Variants in SGCZ observed in about 807,000 individuals in gnomAD.
SGCZ encodes zeta-sarcoglycan.
SGCZ carries 40 observed loss-of-function variants against 41.3 expected under a neutral mutation model. That is an observed-to-expected ratio of 0.97 (90% CI 0.75 to 1.26). The LOEUF (loss-of-function observed/expected upper bound fraction) is 1.26, where lower values mean the gene tolerates loss of function less well. SGCZ is among the 50% of genes most tolerant of loss of function. SGCZ has a pLI of 0.00. For synonymous variants in SGCZ, 206 were observed against 137.5 expected (o/e 1.50, Z -3.49); for missense variants, 552 against 369.8 (o/e 1.49, Z -4.04).
chr8:15,142,435 G>T (rs268420), intron 1 of SGCZ, among the ~76,000 whole-genome samples: 13,317 of 152,074 alleles, frequency 0.088, 610 homozygotes, highest in Middle Eastern at 0.13. Flanking sequence ...AGTACCTAGA[G>T]CCTACAGAAT....
chr8:15,126,253 T>C (rs1807676334), intron 1 of SGCZ, among the ~76,000 whole-genome samples: 1 of 152,240 alleles, frequency 6.6e-6, no homozygotes, highest in South Asian at 2.1e-4. Flanking sequence ...TAAATTTACA[T>C]TTTTAATAAC....
intron 1 of SGCZ, among the ~76,000 whole-genome samples, chr8:14,801,235 A>C (rs1456096352): frequency 6.6e-6 from 1 of 152,182 alleles, no homozygotes; most frequent in African/African-American, 2.4e-5. Context: ...AGAGAAGATA[A>C]ACAGAAATTA....
At chr8:14,725,978 A>C (rs1357280516) in intron 1 of SGCZ, among the ~76,000 whole-genome samples, 3 of 151,972 alleles carry the variant, frequency 2.0e-5, no homozygotes, top group African/African-American at 4.8e-5. Context: ...ATTAGGTAAA[A>C]TTTTATGGCC....
At chr8:14,579,713 GA>G (rs1239339800) in intron 1 of SGCZ, among the ~76,000 whole-genome samples, 3 of 152,156 alleles carry the variant, frequency 2.0e-5, no homozygotes, top group African/African-American at 7.2e-5. Flanking sequence ...TCTGGACAAA[GA>G]AAATTAGTTG....
At chr8:14,814,206 C>T (rs181286442) in intron 1 of SGCZ, among the ~76,000 whole-genome samples, 12 of 152,198 alleles carry the variant, frequency 7.9e-5, no homozygotes, top group African/African-American at 2.9e-4. Context: ...CGTCTCATCT[C>T]AGAACAAATA....
chr8:14,990,055 C>T (rs1489816477), intron 1 of SGCZ, among the ~76,000 whole-genome samples: 2 of 152,090 alleles, frequency 1.3e-5, no homozygotes, highest in Non-Finnish European at 2.9e-5. Context: ...TGCTGATAAC[C>T]AATGCCTTAC....
intron 2 of SGCZ, among the ~76,000 whole-genome samples, chr8:14,513,859 C>G (rs1013126235): frequency 2.0e-5 from 3 of 151,956 alleles, no homozygotes; most frequent in Admixed American, 1.3e-4. Flanking sequence ...ACATTTGTAA[C>G]TACTCTCTGT....
At chr8:15,206,937 G>C (rs1473050128) in intron 1 of SGCZ, among the ~76,000 whole-genome samples, 3 of 152,094 alleles carry the variant, frequency 2.0e-5, no homozygotes, top group African/African-American at 7.2e-5. Context: ...GCTGTAACAA[G>C]ACAAATATAA....
At chr8:14,718,816 CTTTT>C (rs1369388506) in intron 1 of SGCZ, among the ~76,000 whole-genome samples, 33 of 149,218 alleles carry the variant, frequency 2.2e-4, no homozygotes, top group African/African-American at 8.1e-4. Context: ...CACTCTTTGT[CTTTT>C]TTCTTTTTTT....
chr8:14,383,921 ATTTTT>A (rs35960880), intron 2 of SGCZ, among the ~76,000 whole-genome samples: 3 of 148,404 alleles, frequency 2.0e-5, no homozygotes, highest in Admixed American at 6.7e-5. Context: ...TTGTTTTGAG[ATTTTT>A]TTTTTAACAG....
intron 1 of SGCZ, among the ~76,000 whole-genome samples, chr8:14,797,301 T>C (rs1271407923): frequency 6.6e-6 from 1 of 152,070 alleles, no homozygotes; most frequent in Non-Finnish European, 1.5e-5. Context: ...TGGACCAAAA[T>C]GCTGACAGTG....
At chr8:14,528,462 T>C (rs1462197285) in intron 2 of SGCZ, among the ~76,000 whole-genome samples, 1 of 152,114 alleles carries the variant, frequency 6.6e-6, no homozygotes, top group African/African-American at 2.4e-5. Flanking sequence ...CAGCATGGTA[T>C]AGAGTTATAT....
chr8:15,097,858 GTGTGTGTGT>G (rs1806425597), intron 1 of SGCZ, among the ~76,000 whole-genome samples: 1 of 3,918 alleles, frequency 2.6e-4, no homozygotes, highest in Non-Finnish European at 7.7e-4. Context: ...ATATATATAC[GTGTGTGTGT>G]ATATATATAT....
At position 15,093,832 on chromosome 8, in the gene SGCZ, AGAT is replaced by A. The variant is rs1344527408; in HGVS notation, c.39+143750_39+143752del. 2.0e-5 allele frequency among the ~76,000 whole-genome samples: 3 copies of A among 152,206 alleles called. No individual in the cohort carries two copies. The East Asian group carries it at 5.8e-4, about 29-fold the overall frequency. Reference sequence around the variant, plus strand: ...ATAATCGGACCATTAAACAATCTACAGATGCTCCATCTTTTTATATATGAGTGT... The same window carrying A: ...ATAATCGGACCATTAAACAATCTACAGCTCCATCTTTTTATATATGAGTGT... On this transcript the variant is annotated intron_variant, in intron 1 of 7. Coordinates refer to ENST00000382080, the MANE Select transcript of SGCZ (RefSeq NM_139167.4).
chr8:14,710,625 G>GA (rs1454366861), intron 1 of SGCZ, among the ~76,000 whole-genome samples: 2 of 151,686 alleles, frequency 1.3e-5, no homozygotes, highest in East Asian at 1.9e-4. Context: ...TATTGTTTAC[G>GA]AAAAAATGTC....
intron 1 of SGCZ, among the ~76,000 whole-genome samples, chr8:14,719,056 G>A (rs1176719476): frequency 3.1e-5 from 4 of 130,258 alleles, no homozygotes; most frequent in African/African-American, 5.9e-5. Flanking sequence ...TTCTGTGTCC[G>A]TGTGTTCTCA....
intron 2 of SGCZ, among the ~76,000 whole-genome samples, chr8:14,381,239 G>C (rs1395501860): frequency 6.6e-6 from 1 of 152,182 alleles, no homozygotes. Context: ...AAAGCTTCTT[G>C]AACAAAGACA....
chr8:14,375,227 G>C (rs973568008), intron 2 of SGCZ, among the ~76,000 whole-genome samples: 1 of 152,194 alleles, frequency 6.6e-6, no homozygotes, highest in Non-Finnish European at 1.5e-5. Flanking sequence ...ATTCACAATG[G>C]AGATATAACA....
chr8:14,459,911 A>T (rs1372643521), intron 2 of SGCZ, among the ~76,000 whole-genome samples: 1 of 152,198 alleles, frequency 6.6e-6, no homozygotes, highest in Non-Finnish European at 1.5e-5. Flanking sequence ...GAGTCAAGCC[A>T]TAAAAAGACA....
Sources: gnomAD v4.1 joint callset for allele counts (sites outside exome capture counted in the v4.1 genomes callset) on GRCh38, gnomAD v4.1.1 for gene constraint, MANE v1.5 for transcripts, NCBI Gene and HGNC (gene_info 2026-07-23, HGNC 2026-07-21) for gene names.